TRIT1: variants seen among roughly 807,000 people sequenced by gnomAD.
TRIT1 encodes the protein tRNA dimethylallyltransferase.
Under a neutral mutation model 51.2 loss-of-function variants are expected in TRIT1, and 43 were observed. That is an observed-to-expected ratio of 0.84 (90% confidence interval 0.66 to 1.08). The LOEUF (loss-of-function observed/expected upper bound fraction) is 1.08. Among genes scored for constraint, TRIT1 ranks in the 50% least tolerant of loss-of-function variants. The pLI, the probability that TRIT1 is intolerant of heterozygous loss-of-function variation, is 0.00. For synonymous variants in TRIT1, 184 were observed against 203.9 expected (o/e 0.90, Z 0.83); for missense variants, 528 against 578.4 (o/e 0.91, Z 0.89).
At chr1:39,875,614 C>T (rs764604650) in intron 1 of TRIT1, among the ~76,000 whole-genome samples, 29 of 152,212 alleles carry the variant, frequency 1.9e-4, no homozygotes, top group Middle Eastern at 3.4e-3. Flanking sequence ...TACCACTGTC[C>T]CTCAAGTACC....
chr1:39,844,341 T>C (rs137921906), intron 9 of TRIT1, 123 bp from the exon 10 acceptor site: 135 of 913,268 alleles, frequency 1.5e-4, no homozygotes, highest in Non-Finnish European at 2.3e-4. Context: ...ATGGGCTGTA[T>C]ACAGATTTTA....
chr1:39,863,732 T>A (rs1244649169), intron 1 of TRIT1, among the ~76,000 whole-genome samples: 35 of 86,810 alleles, frequency 4.0e-4, no homozygotes, highest in South Asian at 9.6e-4. Flanking sequence ...CTAATGAAGG[T>A]AAAAGAAATC....
chr1:39,869,153 C>A (rs1367483421), intron 1 of TRIT1, among the ~76,000 whole-genome samples: 1 of 151,416 alleles, frequency 6.6e-6, no homozygotes, highest in East Asian at 2.0e-4. Flanking sequence ...CTGATGCAGA[C>A]TGGAGGCTGG....
intron 1 of TRIT1, among the ~76,000 whole-genome samples, chr1:39,869,014 C>T (rs577589152): frequency 3.9e-5 from 6 of 152,262 alleles, no homozygotes; most frequent in African/African-American, 1.2e-4. Context: ...GAGCCGAGAT[C>T]GTGCCACTGC....
rs753349048 is a variant in TRIT1, at chr1:39,839,840, C to T, written c.*1904G>A. Reference sequence around the variant, plus strand: ...GATGGAAGGATTAAAAGCTTTTTGACGTACAATTATTAAAACTAGTTTTTC... The same window carrying T: ...GATGGAAGGATTAAAAGCTTTTTGATGTACAATTATTAAAACTAGTTTTTC... On this transcript the variant is annotated 3_prime_UTR_variant, in exon 11 of 11. Coordinates refer to ENST00000316891, the MANE Select transcript of TRIT1 (RefSeq NM_017646.6). 2.0e-5 allele frequency among the ~76,000 whole-genome samples: 3 copies of T among 152,146 alleles called. No individual in the cohort carries two copies. Among genetic ancestry groups the T allele is most frequent in the Non-Finnish European group, 2.9e-5 (2 of 68,030 alleles).
At chr1:39,847,361 C>T in intron 7 of TRIT1, 64 bp from the exon 8 acceptor site, 1 of 1,514,440 alleles carries the variant, frequency 6.6e-7, no homozygotes, top group Non-Finnish European at 9.1e-7. Flanking sequence ...GAGAGGCAGG[C>T]CCTCCCAGCC....
chr1:39,846,851 A>G (rs982106371), intron 8 of TRIT1, among the ~76,000 whole-genome samples: 1 of 152,184 alleles, frequency 6.6e-6, no homozygotes, highest in Non-Finnish European at 1.5e-5. Context: ...TGGCCCCCCA[A>G]AAACACTGTA....
chr1:39,861,328 C>A (rs1290124633), intron 1 of TRIT1, among the ~76,000 whole-genome samples: 1 of 152,040 alleles, frequency 6.6e-6, no homozygotes, highest in Non-Finnish European at 1.5e-5. Context: ...TCAACCTAGG[C>A]AACATAACGA....
At chr1:39,883,046 G>A (rs566772469) in intron 1 of TRIT1, among the ~76,000 whole-genome samples, 1 of 152,236 alleles carries the variant, frequency 6.6e-6, no homozygotes, top group African/African-American at 2.4e-5. Context: ...GGAAAAAATC[G>A]TTTCACCTCC....
At position 39,844,613 on chromosome 1, in the gene TRIT1, T is replaced by C. The variant is rs2124577339; in HGVS notation, c.1034A>G (p.Tyr345Cys). The C allele has an allele frequency of 1.9e-6, 3 of 1,613,726 alleles. No homozygotes were observed. Among genetic ancestry groups the C allele is most frequent in the East Asian group, 4.5e-5 (2 of 44,872 alleles). Residue 345 changes from tyrosine (Y) to cysteine (C), a missense_variant, in exon 9 of 11, where the codon TAT becomes TGT. This residue lies in a region of TRIT1 where 468 missense variants were observed against 522.6 expected (regional missense o/e 0.90). Coordinates refer to ENST00000316891, the MANE Select transcript of TRIT1 (RefSeq NM_017646.6). ...CGAGACATCAGATACCTCTAAGCCA[T>C]AGACAGGGGGGACAATGGGACCAGG... is the stretch of plus-strand genomic sequence containing the variant. ...SRPGPIVPPVYGLEVSDVSKW... is the reference protein window; with the variant it reads ...SRPGPIVPPVCGLEVSDVSKW...
At chr1:39,852,927 G>C in intron 3 of TRIT1, 51 bp from the exon 4 acceptor site, 7 of 1,593,754 alleles carry the variant, frequency 4.4e-6, no homozygotes, top group Non-Finnish European at 5.1e-6. Context: ...CACTGAGACA[G>C]TGTATGTGCC....
chr1:39,874,637 G>A (rs925385485), intron 1 of TRIT1, among the ~76,000 whole-genome samples: 1 of 151,790 alleles, frequency 6.6e-6, no homozygotes, highest in African/African-American at 2.4e-5. Context: ...AGTATTATTG[G>A]ATTTTTTTAA....
At chr1:39,850,282 G>C (rs1642485360) in intron 4 of TRIT1, 21 bp from the exon 5 acceptor site, 2 of 1,613,776 alleles carry the variant, frequency 1.2e-6, no homozygotes, top group East Asian at 4.5e-5. Context: ...TAAAAGGGGA[G>C]GGAGGGGGCA....
intron 5 of TRIT1, 115 bp downstream of exon 5, chr1:39,850,004 A>C (rs1241958232): frequency 1.9e-6 from 2 of 1,047,752 alleles, no homozygotes; most frequent in Non-Finnish European, 2.8e-6. Context: ...ATTAATAGCT[A>C]ATACTTGTTT....
At chr1:39,848,229 A>G in intron 5 of TRIT1, 132 bp from the exon 6 acceptor site, 2 of 653,850 alleles carry the variant, frequency 3.1e-6, no homozygotes, top group Non-Finnish European at 5.4e-6. Context: ...GATTCCAAAG[A>G]TTATTATAAT....
chr1:39,854,983 G>C (rs1427882322), intron 2 of TRIT1, among the ~76,000 whole-genome samples: 1 of 151,986 alleles, frequency 6.6e-6, no homozygotes, highest in Non-Finnish European at 1.5e-5. Flanking sequence ...AAGTAGCTGG[G>C]ACTACAAGCA....
At chr1:39,854,583 T>C (rs1188476158) in intron 2 of TRIT1, among the ~76,000 whole-genome samples, 1 of 152,192 alleles carries the variant, frequency 6.6e-6, no homozygotes, top group Non-Finnish European at 1.5e-5. Flanking sequence ...GTTCTGAAGA[T>C]AAATAGACTT....
intron 8 of TRIT1, among the ~76,000 whole-genome samples, chr1:39,845,914 A>T (rs758054167): frequency 6.6e-6 from 1 of 152,242 alleles, no homozygotes; most frequent in African/African-American, 2.4e-5. Flanking sequence ...AGGAACAGGC[A>T]TATGACACAC....
At position 39,876,460 on chromosome 1, in the gene TRIT1, CA is replaced by C. The variant is rs559953134; in HGVS notation, c.174+6857del. ...AACATACACAGCTTAATACTGCAGC[CA>C]AAAGAAAACTAAATTCACTTACAAT... On this transcript the variant is annotated intron_variant, in intron 1 of 10. Transcript: ENST00000316891. 3.5e-3 allele frequency among the ~76,000 whole-genome samples: 529 copies of C among 152,102 alleles called. 3 individuals carry two copies. The highest frequency in any genetic ancestry group is 0.012 in the African/African-American group (502 of 41,466).
Sources: allele counts gnomAD v4.1 joint callset (sites outside exome capture counted in the v4.1 genomes callset), GRCh38; gene constraint gnomAD v4.1.1; regional missense constraint gnomAD v4.1.1; transcripts MANE v1.5; gene names NCBI Gene and HGNC (gene_info 2026-07-23, HGNC 2026-07-21).